The following INPP4B variants were observed in gnomAD, a reference collection of about 807,000 sequenced individuals.
The protein encoded by INPP4B is inositol polyphosphate-4-phosphatase type II B, also known as inositol polyphosphate 4-phosphatase type II.
A neutral mutation model predicts 122.5 loss-of-function variants in INPP4B; 55 were observed. The observed-to-expected ratio is 0.45, with a 90% CI of 0.36 to 0.56. INPP4B has a LOEUF of 0.56. Among genes scored for constraint, INPP4B ranks in the 20% least tolerant of loss-of-function variants. The pLI, the probability that INPP4B is intolerant of heterozygous loss-of-function variation, is 0.00. For missense variants in INPP4B, 1,000 were observed against 1,097.7 expected (o/e 0.91, Z 1.26); for synonymous variants, 403 against 388.7 (o/e 1.04, Z -0.43).
intron 2 of INPP4B, among the ~76,000 whole-genome samples, chr4:142,574,968 T>C (rs1733542328): frequency 6.6e-6 from 1 of 152,004 alleles, no homozygotes; most frequent in African/African-American, 2.4e-5. Context: ...AAAATGTAGG[T>C]TTAGTTGAAA....
At chr4:142,664,488 G>A (rs1755694485) in intron 2 of INPP4B, among the ~76,000 whole-genome samples, 1 of 151,792 alleles carries the variant, frequency 6.6e-6, no homozygotes, top group South Asian at 2.1e-4. Context: ...TGAGATACTA[G>A]ATCATTTCTA....
chr4:142,261,507 A>G (rs867980957), intron 10 of INPP4B, among the ~76,000 whole-genome samples: 2 of 152,298 alleles, frequency 1.3e-5, no homozygotes, highest in African/African-American at 4.8e-5. Flanking sequence ...CAAAAATTGC[A>G]GAAAGTTCTT....
intron 1 of INPP4B, among the ~76,000 whole-genome samples, chr4:142,748,011 T>TA (rs1769055297): frequency 6.6e-6 from 1 of 152,094 alleles, no homozygotes. Context: ...CCCCAGAACT[T>TA]AGAGTATAAT....
chr4:142,744,228 T>A (rs1280531107), intron 1 of INPP4B, among the ~76,000 whole-genome samples: 2 of 151,378 alleles, frequency 1.3e-5, no homozygotes, highest in Admixed American at 6.6e-5. Flanking sequence ...AGTAGAAGAG[T>A]CAGTGAGGTG....
At chr4:142,231,250 G>C (rs1337672427) in intron 12 of INPP4B, among the ~76,000 whole-genome samples, 1 of 152,218 alleles carries the variant, frequency 6.6e-6, no homozygotes, top group African/African-American at 2.4e-5. Flanking sequence ...TTGCTGCGCC[G>C]TTATGTCCCT....
intron 9 of INPP4B, among the ~76,000 whole-genome samples, chr4:142,279,052 T>C (rs1034004932): frequency 5.9e-5 from 9 of 151,942 alleles, no homozygotes; most frequent in African/African-American, 2.2e-4. Flanking sequence ...AAAAATTCAG[T>C]AGATCCAAAA....
At chr4:142,654,367 TAAAAAAAAAAA>T (rs10677341) in intron 2 of INPP4B, 2 of 101,000 alleles carry the variant, frequency 2.0e-5, no homozygotes, top group African/African-American at 7.7e-5. Flanking sequence ...ACTTAAAGTA[TAAAAAAAAAAA>T]AAAAAAAAAA....
At chr4:142,595,370 C>G (rs2150268883) in intron 2 of INPP4B, among the ~76,000 whole-genome samples, 1 of 152,118 alleles carries the variant, frequency 6.6e-6, no homozygotes, top group East Asian at 1.9e-4. Flanking sequence ...GACAGAGGAC[C>G]TAGAATGGTG....
In INPP4B at chr4:142,208,942, C is replaced by A. The variant is rs1235561615; in HGVS notation, c.921G>T (p.Met307Ile). 1.2e-6 allele frequency: 2 copies of A among 1,602,256 alleles called. No individual in the cohort carries two copies. Among genetic ancestry groups the A allele is most frequent in the South Asian group, 2.2e-5 (2 of 89,154 alleles). ...RKNVLTHCDQMVNMYQDILTE... is the reference protein window; with the variant it reads ...RKNVLTHCDQIVNMYQDILTE... Reference sequence around the variant, plus strand: ...TCAGAATGTCTTGGTACATATTCACCATTTGATCACAGTGAGTAAGGACAT... The same window carrying A: ...TCAGAATGTCTTGGTACATATTCACAATTTGATCACAGTGAGTAAGGACAT... The change falls in exon 13 of 26, where the codon ATG becomes ATT. Residue 307 changes from methionine (M) to isoleucine (I), a missense_variant. Coordinates refer to ENST00000262992, the MANE Select transcript of INPP4B (RefSeq NM_001101669.3).
intron 8 of INPP4B, among the ~76,000 whole-genome samples, chr4:142,309,984 C>T (rs1031256592): frequency 3.3e-5 from 5 of 152,224 alleles, no homozygotes; most frequent in African/African-American, 1.2e-4. Context: ...TAGGATTTGA[C>T]ATCTCCATGC....
At chr4:142,335,384 G>T (rs374283598) in intron 7 of INPP4B, among the ~76,000 whole-genome samples, 1 of 151,962 alleles carries the variant, frequency 6.6e-6, no homozygotes, top group African/African-American at 2.4e-5. Flanking sequence ...AATACCTTGG[G>T]TTTACTTTTC....
chr4:142,266,540 T>C (rs1428650617), intron 10 of INPP4B, among the ~76,000 whole-genome samples: 1 of 152,164 alleles, frequency 6.6e-6, no homozygotes, highest in Admixed American at 6.6e-5. Context: ...GTTTCCTGGG[T>C]AAGAAAAATC....
At chr4:142,256,627 C>A (rs556783215) in intron 11 of INPP4B, among the ~76,000 whole-genome samples, 100 of 152,300 alleles carry the variant, frequency 6.6e-4, no homozygotes, top group African/African-American at 2.4e-3. Flanking sequence ...AATTGCTCAA[C>A]ACATACACTC....
At chr4:142,621,901 G>A (rs1560877074) in intron 2 of INPP4B, among the ~76,000 whole-genome samples, 2 of 151,688 alleles carry the variant, frequency 1.3e-5, no homozygotes, top group Non-Finnish European at 1.5e-5. Flanking sequence ...CTTGTCTGAA[G>A]AAAAAAATCT....
chr4:142,388,797 T>C (rs1796754635), intron 7 of INPP4B, among the ~76,000 whole-genome samples: 1 of 152,202 alleles, frequency 6.6e-6, no homozygotes, highest in African/African-American at 2.4e-5. Context: ...AGAATTGCAC[T>C]ATCTTCTCCT....
chr4:142,360,354 C>T (rs1784985702), intron 7 of INPP4B, among the ~76,000 whole-genome samples: 1 of 151,866 alleles, frequency 6.6e-6, no homozygotes, highest in African/African-American at 2.4e-5. Context: ...TTGTTTTGTT[C>T]CAGAGAAGAG....
chr4:142,236,572 A>G (rs1006889013), intron 12 of INPP4B, among the ~76,000 whole-genome samples: 1 of 152,088 alleles, frequency 6.6e-6, no homozygotes, highest in African/African-American at 2.4e-5. Flanking sequence ...GCTACTCTCA[A>G]ATATTCACCT....
At chr4:142,723,318 T>C (rs1339179632) in intron 2 of INPP4B, among the ~76,000 whole-genome samples, 1 of 152,130 alleles carries the variant, frequency 6.6e-6, no homozygotes, top group Non-Finnish European at 1.5e-5. Context: ...TGAAATTTTC[T>C]TAATTGAAAT....
At chr4:142,075,407 A>AC (rs1378613576) in intron 25 of INPP4B, among the ~76,000 whole-genome samples, 1 of 151,054 alleles carries the variant, frequency 6.6e-6, no homozygotes, top group East Asian at 1.9e-4. Context: ...ATATGCACTA[A>AC]CCCCGACTCT....
Sources: allele counts gnomAD v4.1 joint callset (sites outside exome capture counted in the v4.1 genomes callset), GRCh38; gene constraint gnomAD v4.1.1; transcripts MANE v1.5; gene names NCBI Gene and HGNC (gene_info 2026-07-23, HGNC 2026-07-21).